Variants in NHSL2 observed in about 807,000 individuals in gnomAD.
The protein encoded by NHSL2 is NHS-like protein 2.
A neutral mutation model predicts 53.4 loss-of-function variants in NHSL2; 27 were observed. The ratio of observed to expected loss-of-function variants is 0.51; its 90% confidence interval spans 0.37 to 0.70. The LOEUF (loss-of-function observed/expected upper bound fraction) is 0.70. Among genes scored for constraint, NHSL2 ranks in the 30% least tolerant of loss-of-function variants. The pLI, the probability that NHSL2 is intolerant of heterozygous loss-of-function variation, is 0.00. For synonymous variants in NHSL2, 408 were observed against 404.1 expected, an observed-to-expected ratio of 1.01 and a Z score of -0.12; for missense variants, 892 against 980.1, an observed-to-expected ratio of 0.91 and a Z score of 1.20.
chrX:71,998,428 A>C (rs1405443874), intron 1 of NHSL2, among the ~76,000 whole-genome samples: 1 of 111,672 alleles, frequency 9.0e-6, no homozygotes, highest in Non-Finnish European at 1.9e-5. Context: ...CTGAGGTAGG[A>C]ACACTGGCAC....
chrX:71,927,050 C>T (rs771223206), intron 1 of NHSL2, among the ~76,000 whole-genome samples: 31 of 111,695 alleles, frequency 2.8e-4, no homozygotes, highest in Non-Finnish European at 4.7e-4. Flanking sequence ...CTCTTGGAGA[C>T]CCAGGTTAAA....
chrX:71,996,404 C>G (rs1443094165), intron 1 of NHSL2, among the ~76,000 whole-genome samples: 2 of 112,643 alleles, frequency 1.8e-5, no homozygotes, highest in African/African-American at 6.5e-5. Flanking sequence ...CTCACTCTGG[C>G]TTGAAGGCCT....
chrX:72,046,890 C>T lies in NHSL2; in HGVS notation c.281-85189C>T, dbSNP rs1191220286. On this transcript the variant is annotated intron_variant, in intron 1 of 7. Transcript: ENST00000633930. The stretch of plus-strand genomic sequence containing the variant: ...TTTTTTCATTTAAGCCCCCAAACAA[C>T]ATTATTAATTTGGTATTGTTATTAG... Among the ~76,000 whole-genome samples, 5 of 110,975 alleles carry T rather than the reference C, an allele frequency of 4.5e-5. No homozygotes were observed. The Admixed American group carries it at 4.8e-4, about 11-fold the overall frequency.
intron 6 of NHSL2, among the ~76,000 whole-genome samples, chrX:72,141,817 G>A (rs1336974231): frequency 1.8e-5 from 2 of 111,750 alleles, no homozygotes; most frequent in African/African-American, 6.5e-5. Context: ...ATAAATCAAA[G>A]CCCCAGGTAG....
At chrX:71,917,986 T>C (rs1410083537) in intron 1 of NHSL2, among the ~76,000 whole-genome samples, 1 of 111,963 alleles carries the variant, frequency 8.9e-6, no homozygotes, top group African/African-American at 3.3e-5. Context: ...CAAATGAAGT[T>C]GTAATATTAA....
intron 1 of NHSL2, among the ~76,000 whole-genome samples, chrX:71,979,758 T>C (rs1183297435): frequency 3.6e-5 from 4 of 111,673 alleles, no homozygotes; most frequent in African/African-American, 6.5e-5. Flanking sequence ...AGAAGCTCTT[T>C]AGTTTAATTA....
At position 72,087,157 on chromosome X, in the gene NHSL2, G is replaced by C. The variant is rs1031859720; in HGVS notation, c.281-44922G>C. Among the ~76,000 whole-genome samples, 15 of 112,635 alleles carry C rather than the reference G, an allele frequency of 1.3e-4. No homozygotes were observed. In the East Asian group the frequency reaches 2.2e-3, roughly 17 times the overall value. ...AAATAAAATTTGGGATATCCATAAA[G>C]TGGAATATTATACAACCAAAAAAAG... On this transcript the variant is annotated intron_variant, in intron 1 of 7. Coordinates refer to ENST00000633930, the MANE Select transcript of NHSL2 (RefSeq NM_001013627.3).
intron 1 of NHSL2, among the ~76,000 whole-genome samples, chrX:71,921,335 A>C (rs1258761686): frequency 9.4e-6 from 1 of 106,701 alleles, no homozygotes; most frequent in East Asian, 3.0e-4. Flanking sequence ...CAGGAGAATC[A>C]CTTGAACCCG....
intron 1 of NHSL2, 131 bp from the exon 2 acceptor site, chrX:72,131,948 T>G (rs1264085553): frequency 1.6e-6 from 1 of 609,256 alleles, no homozygotes; most frequent in Non-Finnish European, 2.5e-6. Flanking sequence ...TCCCCGCCTT[T>G]TAAGCGCAGC....
chrX:72,142,137 G>C, intron 6 of NHSL2, 95 bp from the exon 7 acceptor site: 1 of 667,131 alleles, frequency 1.5e-6, no homozygotes, highest in Non-Finnish European at 2.2e-6. Context: ...TGCCCTCACA[G>C]AGTTGCTTTC....
Position 72,147,975 on chromosome X carries a change from G to A in NHSL2, c.*4401G>A, listed in dbSNP as rs764018958. The A allele has an allele frequency of 6.3e-5, 7 of 111,779 alleles. No homozygotes were observed. Among genetic ancestry groups the A allele is most frequent in the Non-Finnish European group, 1.1e-4 (6 of 53,188 alleles). The allele number at this position is 111,779 out of a possible 1,213,427, so 9.2% of individuals were successfully genotyped here. ...CCATGGAAAGGCCAAATTCCCTGAC[G>A]CCTAACTCCAGAATATAGAAAATAT... On this transcript the variant is annotated 3_prime_UTR_variant, in exon 8 of 8. Transcript: ENST00000633930.
At position 72,142,314 on chromosome X, in the gene NHSL2, C is replaced by T. The variant is rs1427093049; in HGVS notation, c.3306C>T (p.Asp1102=). The T allele has an allele frequency of 6.0e-6, 7 of 1,157,840 alleles. No individual in the cohort carries two copies. Among genetic ancestry groups the T allele is most frequent in the Admixed American group, 5.2e-5 (2 of 38,428 alleles). ...AATGGATTGCAGAGGATGATGATGACGTGTTTGTGGCTTCACGCACAACTG... is the reference window on the plus strand; with the variant it reads ...AATGGATTGCAGAGGATGATGATGATGTGTTTGTGGCTTCACGCACAACTG... ...TAEWIAEDDD[D]VFVASRTTED... The change falls in exon 7 of 8, where the codon GAC becomes GAT. Residue 1102 remains aspartate (D), a synonymous_variant. Coordinates refer to ENST00000633930, the MANE Select transcript of NHSL2 (RefSeq NM_001013627.3).
At chrX:71,961,346 T>C (rs1440529273) in intron 1 of NHSL2, among the ~76,000 whole-genome samples, 1 of 111,182 alleles carries the variant, frequency 9.0e-6, no homozygotes, top group Non-Finnish European at 1.9e-5. Context: ...TCCTTAACTA[T>C]GTGAATGAAT....
chrX:72,131,961 C>T, intron 1 of NHSL2, 118 bp from the exon 2 acceptor site: 2 of 686,587 alleles, frequency 2.9e-6, no homozygotes, highest in Non-Finnish European at 4.4e-6. Context: ...AGCGCAGCCT[C>T]GCACTCCCCC....
chrX:72,135,862 C>G (rs938534366), intron 4 of NHSL2, among the ~76,000 whole-genome samples: 13 of 110,890 alleles, frequency 1.2e-4, no homozygotes, highest in Admixed American at 1.1e-3. Flanking sequence ...TGGTGAAACC[C>G]CATCTCTACC....
chrX:72,023,784 T>C (rs1440131433), intron 1 of NHSL2, among the ~76,000 whole-genome samples: 2 of 111,579 alleles, frequency 1.8e-5, no homozygotes, highest in African/African-American at 6.5e-5. Flanking sequence ...ATTAGGAAGG[T>C]TCTATTGGAG....
chrX:72,091,449 G>A (rs1192302884), intron 1 of NHSL2, among the ~76,000 whole-genome samples: 1 of 90,198 alleles, frequency 1.1e-5, no homozygotes, highest in African/African-American at 5.5e-5. Context: ...GCGAGACTCC[G>A]TCTCAAAAAA....
At chrX:72,081,661 C>G (rs1432116909) in intron 1 of NHSL2, among the ~76,000 whole-genome samples, 2 of 112,129 alleles carry the variant, frequency 1.8e-5, no homozygotes, top group Non-Finnish European at 3.8e-5. Flanking sequence ...CGCAGCTGCT[C>G]AAAATCCTGT....
chrX:72,061,716 A>G (rs1279184031), intron 1 of NHSL2, among the ~76,000 whole-genome samples: 1 of 111,515 alleles, frequency 9.0e-6, no homozygotes, highest in Non-Finnish European at 1.9e-5. Context: ...CTTACCCCCT[A>G]CCTCTTCCAC....
Sources: allele counts gnomAD v4.1 joint callset (sites outside exome capture counted in the v4.1 genomes callset), GRCh38; gene constraint gnomAD v4.1.1; transcripts MANE v1.5; gene names NCBI Gene and HGNC (gene_info 2026-07-23, HGNC 2026-07-21).